The following NXPE3 variants were observed in gnomAD, a reference collection of about 807,000 sequenced individuals.
NXPE3 encodes neurexophilin and PC-esterase domain family member 3.
A neutral mutation model predicts 46.1 loss-of-function variants in NXPE3; 26 were observed. The ratio of observed to expected loss-of-function variants is 0.56; its 90% CI spans 0.41 to 0.78. The LOEUF (loss-of-function observed/expected upper bound fraction) is 0.78, where lower values mean the gene tolerates loss of function less well. NXPE3 is among the 30% of genes least tolerant of loss of function. The pLI is 0.00. For synonymous variants in NXPE3, 272 were observed against 257.9 expected, an observed-to-expected ratio of 1.05 and a Z score of -0.52; for missense variants, 620 against 686.0, an observed-to-expected ratio of 0.90 and a Z score of 1.07.
In NXPE3 at chr3:101,827,727, A is replaced by T. The variant is rs1257371640; in HGVS notation, c.*5773A>T. ...GTCCAGGTCTTGGAGCCGGCCCTCG[A>T]GGGGAATGTCCGGGACTCGGGTCGG... On this transcript the variant is annotated 3_prime_UTR_variant, in exon 8 of 8. Transcript: ENST00000273347. Among the ~76,000 whole-genome samples, 1 of 152,070 alleles carries T rather than the reference A, an allele frequency of 6.6e-6. No homozygotes were observed. The highest frequency in any genetic ancestry group is 6.5e-5 in the Admixed American group (1 of 15,282).
rs745327151 is a variant in NXPE3, at chr3:101,821,647, G to A, written c.1373G>A (p.Arg458Gln). 5 of 1,614,058 alleles carry A rather than the reference G, an allele frequency of 3.1e-6. No homozygotes were observed. The highest frequency in any genetic ancestry group is 4.5e-5 in the East Asian group (2 of 44,902). ...ACCTTCCCTTTGGAAGTGTACATCCGGCGGCTCAGGAACATCCGTCGAGCA... is the reference window on the plus strand; with the variant it reads ...ACCTTCCCTTTGGAAGTGTACATCCAGCGGCTCAGGAACATCCGTCGAGCA... ...FSTFPLEVYI[R>Q]RLRNIRRAVV... Residue 458 changes from arginine to glutamine, a missense_variant, in exon 8 of 8, where the codon CGG becomes CAG. Physicochemically the swap from Arg to Gln is conservative, Grantham distance 43. Around this residue, in one of 3 missense-constraint regions of NXPE3, gnomAD observed 75 missense variants for 121.1 expected, o/e 0.62. Transcript: ENST00000273347.
Position 101,822,171 on chromosome 3 carries a change from G to C in NXPE3, c.*217G>C. The C allele has an allele frequency of 6.1e-6, 3 of 493,526 alleles. No homozygotes were observed. The highest frequency in any genetic ancestry group is 1.1e-5 in the Non-Finnish European group (3 of 277,874). 30.6% of individuals were successfully genotyped at this position (493,526 alleles called of 1,614,324 possible). A position where few individuals can be genotyped will look rare whatever the true frequency, so the allele number is the denominator to read the frequency against. The stretch of plus-strand genomic sequence containing the variant: ...ATCCAATGTTGACTTAGCCATGGTA[G>C]AACTCTTAACTGCATCTACACACTA... On this transcript the variant is annotated 3_prime_UTR_variant, in exon 8 of 8. Coordinates refer to ENST00000273347, the MANE Select transcript of NXPE3 (RefSeq NM_145037.4).
chr3:101,808,999 T>C (rs551208831), intron 6 of NXPE3, among the ~76,000 whole-genome samples: 76 of 151,738 alleles, frequency 5.0e-4, no homozygotes, highest in African/African-American at 1.5e-3. Flanking sequence ...ACTGGATCTG[T>C]CCTTCTTCTC....
chr3:101,796,079 G>A (rs950122018), intron 4 of NXPE3, among the ~76,000 whole-genome samples: 12 of 152,318 alleles, frequency 7.9e-5, no homozygotes, highest in African/African-American at 2.6e-4. Context: ...TAAGCCTCCA[G>A]CAACCTCACC....
rs1377441274 is a variant in NXPE3 at position 101,822,851 on chromosome 3, G to A, written c.*897G>A. The A allele has an allele frequency of 6.8e-6, 1 of 147,716 alleles. No individual in the cohort carries two copies. Among genetic ancestry groups the A allele is most frequent in the African/African-American group, 2.5e-5 (1 of 39,936 alleles). The allele number at this position is 147,716 out of a possible 1,614,324, so 9.2% of individuals were successfully genotyped here. ...AGTTTCAGGTGTTTTTTTTTTTGTT[G>A]TTGTTGTTGTTATTTTGAACTACTT... On this transcript the variant is annotated 3_prime_UTR_variant, in exon 8 of 8. Transcript: ENST00000273347.
At chr3:101,818,714 TTTATATATATA>T (rs1324493933) in intron 7 of NXPE3, among the ~76,000 whole-genome samples, 3 of 25,020 alleles carry the variant, frequency 1.2e-4, no homozygotes, top group Non-Finnish European at 2.6e-4. Context: ...TATATGACAA[TTTATATATATA>T]TATATATATA....
At chr3:101,817,932 C>T (rs1479528693) in intron 7 of NXPE3, among the ~76,000 whole-genome samples, 1 of 152,030 alleles carries the variant, frequency 6.6e-6, no homozygotes, top group Non-Finnish European at 1.5e-5. Context: ...ACTCTCTCAC[C>T]CAGGCTGGAG....
chr3:101,820,224 A>C (rs1256225467), intron 7 of NXPE3, among the ~76,000 whole-genome samples: 1 of 152,258 alleles, frequency 6.6e-6, no homozygotes, highest in Non-Finnish European at 1.5e-5. Context: ...TCATAAACAG[A>C]CACTTCTCAA....
rs1203656092 is a variant in NXPE3 at position 101,827,837 on chromosome 3, CCCT to C, written c.*5888_*5890del. ...GCTGCCCCCTCCCTGCCTCCTCTGG[CCCT>C]CCTCAGTGCCCACGCAACCCGGTTC... On this transcript the variant is annotated 3_prime_UTR_variant, in exon 8 of 8. Transcript: ENST00000273347. Among the ~76,000 whole-genome samples, 1 of 152,150 alleles carries C rather than the reference CCCT, an allele frequency of 6.6e-6. No homozygotes were observed. Among genetic ancestry groups the C allele is most frequent in the East Asian group, 1.9e-4 (1 of 5,196 alleles).
intron 7 of NXPE3, among the ~76,000 whole-genome samples, 185 bp from the exon 8 acceptor site, chr3:101,821,219 A>C (rs1444813918): frequency 6.6e-6 from 1 of 152,190 alleles, no homozygotes; most frequent in African/African-American, 2.4e-5. Context: ...AACATGTTAG[A>C]ATAAAGGCCC....
At chr3:101,798,338 A>G (rs574440170) in intron 4 of NXPE3, among the ~76,000 whole-genome samples, 4 of 152,086 alleles carry the variant, frequency 2.6e-5, no homozygotes, top group Non-Finnish European at 5.9e-5. Flanking sequence ...TATCCAGCAC[A>G]TAAGTGATCA....
At chr3:101,789,548 A>AAAAAAT (rs779943721) in intron 4 of NXPE3, among the ~76,000 whole-genome samples, 12 of 152,158 alleles carry the variant, frequency 7.9e-5, no homozygotes, top group Non-Finnish European at 1.6e-4. Context: ...CCTGTCTCTA[A>AAAAAAT]AAAAATAAAA....
At chr3:101,815,621 T>C (rs932805941) in intron 6 of NXPE3, among the ~76,000 whole-genome samples, 1 of 152,196 alleles carries the variant, frequency 6.6e-6, no homozygotes, top group Non-Finnish European at 1.5e-5. Flanking sequence ...TCTAGCACTT[T>C]GGGAGGTCGA....
chr3:101,802,637 G>A (rs1158346774), intron 5 of NXPE3, among the ~76,000 whole-genome samples: 2 of 151,880 alleles, frequency 1.3e-5, no homozygotes, highest in East Asian at 3.8e-4. Context: ...GACTTAATAA[G>A]CATAGGAAGT....
chr3:101,784,593 A>G (rs550402380), intron 3 of NXPE3, among the ~76,000 whole-genome samples: 1 of 152,298 alleles, frequency 6.6e-6, no homozygotes, highest in East Asian at 1.9e-4. Flanking sequence ...CTTCATGGAA[A>G]GTCTCCCTGG....
chr3:101,824,528 G>T lies in NXPE3; in HGVS notation c.*2574G>T. 6.6e-6 allele frequency: 1 copy of T among 152,442 alleles called. No homozygotes were observed. The highest frequency in any genetic ancestry group is 2.1e-4 in the South Asian group (1 of 4,862). The allele number at this position is 152,442 out of a possible 1,614,324, so 9.4% of individuals were successfully genotyped here. A position where few individuals can be genotyped will look rare whatever the true frequency, so the allele number is the denominator to read the frequency against. ...GCATGATATGGCTCACTGCAGCCTT[G>T]ACTTCCTGGGCTCAAGGGATCCTTC... On this transcript the variant is annotated 3_prime_UTR_variant, in exon 8 of 8. Coordinates refer to ENST00000273347, the MANE Select transcript of NXPE3 (RefSeq NM_145037.4).
At chr3:101,784,277 TAGAG>T (rs931584763) in intron 3 of NXPE3, among the ~76,000 whole-genome samples, 4 of 151,980 alleles carry the variant, frequency 2.6e-5, no homozygotes, top group African/African-American at 7.2e-5. Flanking sequence ...GAAATACAAA[TAGAG>T]GGAGCATGAG....
At chr3:101,821,290 C>CCTTTTTGTT in intron 7 of NXPE3, 114 bp from the exon 8 acceptor site, 1 of 773,916 alleles carries the variant, frequency 1.3e-6, no homozygotes, top group East Asian at 2.7e-5. Context: ...TTATATTGTA[C>CCTTTTTGTT]CTTTTTGTTG....
intron 4 of NXPE3, among the ~76,000 whole-genome samples, chr3:101,790,844 C>T (rs1394889481): frequency 6.6e-6 from 1 of 152,234 alleles, no homozygotes; most frequent in Admixed American, 6.5e-5. Context: ...GATCCAGCTG[C>T]CTTGGCCTTC....
Sources: allele counts gnomAD v4.1 joint callset (sites outside exome capture counted in the v4.1 genomes callset), GRCh38; gene constraint gnomAD v4.1.1; regional missense constraint gnomAD v4.1.1; transcripts MANE v1.5; gene names NCBI Gene and HGNC (gene_info 2026-07-23, HGNC 2026-07-21).